Variants in WDR70 observed in about 807,000 individuals in gnomAD.
The protein encoded by WDR70 is WD repeat-containing protein 70.
In WDR70, 53 loss-of-function variants were observed where a neutral mutation model predicts 88.6. The observed-to-expected ratio is 0.60, with a 90% confidence interval of 0.48 to 0.75. WDR70 has a LOEUF of 0.75. WDR70 is among the 30% of genes least tolerant of loss of function. WDR70 has a pLI of 0.00. For synonymous variants in WDR70, 280 were observed against 270.0 expected (o/e 1.04, Z -0.36); for missense variants, 610 against 823.2 (o/e 0.74, Z 3.17).
intron 10 of WDR70, among the ~76,000 whole-genome samples, chr5:37,627,043 AT>A (rs1383494204): frequency 6.7e-6 from 1 of 148,468 alleles, no homozygotes; most frequent in African/African-American, 2.5e-5. Flanking sequence ...CGTTTTGTTG[AT>A]TTTGTTTATC....
At chr5:37,416,771 G>C (rs1029040726) in intron 5 of WDR70, among the ~76,000 whole-genome samples, 2 of 151,980 alleles carry the variant, frequency 1.3e-5, no homozygotes, top group African/African-American at 2.4e-5. Flanking sequence ...GTAGAGTCAG[G>C]GTTTTGCCAT....
intron 9 of WDR70, among the ~76,000 whole-genome samples, chr5:37,555,037 C>T (rs1453553302): frequency 3.3e-5 from 5 of 152,160 alleles, no homozygotes; most frequent in Admixed American, 2.6e-4. Context: ...ATAACATGTT[C>T]TACTGTTTAT....
At chr5:37,718,561 T>A (rs1450684810) in intron 13 of WDR70, among the ~76,000 whole-genome samples, 1 of 152,230 alleles carries the variant, frequency 6.6e-6, no homozygotes, top group African/African-American at 2.4e-5. Context: ...GACAGCCGCT[T>A]TCATTATTCT....
chr5:37,719,836 CTTTCTTTCTT>C (rs1378453613), intron 13 of WDR70, among the ~76,000 whole-genome samples: 2 of 119,018 alleles, frequency 1.7e-5, no homozygotes, highest in Admixed American at 1.1e-4. Flanking sequence ...TTCTTTCTTT[CTTTCTTTCTT>C]TTTTTTTTTT....
chr5:37,654,454 T>C (rs1378899908), intron 10 of WDR70, among the ~76,000 whole-genome samples: 2 of 152,214 alleles, frequency 1.3e-5, no homozygotes, highest in Non-Finnish European at 2.9e-5. Flanking sequence ...AGATGTCTAT[T>C]AGGTCTGCTT....
intron 9 of WDR70, among the ~76,000 whole-genome samples, chr5:37,541,445 C>T (rs1741812149): frequency 6.6e-6 from 1 of 152,176 alleles, no homozygotes; most frequent in South Asian, 2.1e-4. Flanking sequence ...TAAAAAAGTA[C>T]TTCTGTGAAG....
chr5:37,396,686 C>A, intron 5 of WDR70, 116 bp downstream of exon 5: 1 of 1,418,544 alleles, frequency 7.0e-7, no homozygotes, highest in Non-Finnish European at 9.2e-7. Flanking sequence ...GAGGAAAGGC[C>A]GGGCATGGTG....
chr5:37,497,322 C>T (rs1740252851), intron 8 of WDR70, among the ~76,000 whole-genome samples: 1 of 142,238 alleles, frequency 7.0e-6, no homozygotes, highest in Non-Finnish European at 1.5e-5. Flanking sequence ...CCTTTCCTTC[C>T]CTTCCCTTCC....
chr5:37,461,743 A>G (rs1216277196), intron 7 of WDR70, among the ~76,000 whole-genome samples: 2 of 84,324 alleles, frequency 2.4e-5, no homozygotes, highest in Non-Finnish European at 6.0e-5. Flanking sequence ...TCGGCCTCCC[A>G]AAGTGCTGGG....
intron 8 of WDR70, among the ~76,000 whole-genome samples, chr5:37,507,743 T>G (rs1034828163): frequency 2.0e-5 from 3 of 152,230 alleles, no homozygotes; most frequent in Non-Finnish European, 1.5e-5. Context: ...GGATCCTGAT[T>G]ATATTAGATT....
At chr5:37,640,799 C>G (rs1745082648) in intron 10 of WDR70, among the ~76,000 whole-genome samples, 1 of 152,166 alleles carries the variant, frequency 6.6e-6, no homozygotes, top group Non-Finnish European at 1.5e-5. Context: ...ACTTTTCTTT[C>G]TATCAGTGAT....
At chr5:37,429,543 T>G (rs1750239555) in intron 5 of WDR70, among the ~76,000 whole-genome samples, 1 of 152,202 alleles carries the variant, frequency 6.6e-6, no homozygotes, top group Non-Finnish European at 1.5e-5. Context: ...GGAGTTCCTT[T>G]TTTATTTTTT....
intron 9 of WDR70, among the ~76,000 whole-genome samples, chr5:37,529,570 AT>A (rs200143635): frequency 2.0e-5 from 3 of 149,212 alleles, no homozygotes; most frequent in South Asian, 2.1e-4. Context: ...GTATTTATTT[AT>A]TTTTTTTTGC....
intron 10 of WDR70, among the ~76,000 whole-genome samples, chr5:37,636,348 C>T (rs1561931978): frequency 6.6e-6 from 1 of 152,028 alleles, no homozygotes; most frequent in Non-Finnish European, 1.5e-5. Context: ...AAATGTAGAA[C>T]GAATAATAGA....
In WDR70 at chr5:37,611,193, C is replaced by T. The variant is rs536937786; in HGVS notation, c.1092+5955C>T. 7.2e-5 allele frequency among the ~76,000 whole-genome samples: 11 copies of T among 152,102 alleles called. No individual in the cohort carries two copies. In the East Asian group the frequency reaches 2.1e-3, roughly 29 times the overall value. On this transcript the variant is annotated intron_variant, in intron 10 of 17. Transcript: ENST00000265107. ...GTTTTTTTGTTAAATTTTCGTAATG[C>T]AGCTTTGAACATTTTTCTCTCACAC...
intron 5 of WDR70, among the ~76,000 whole-genome samples, chr5:37,402,329 T>TGTGTGTGTGTA (rs59326032): frequency 0.011 from 1,589 of 147,672 alleles, 36 homozygotes; most frequent in African/African-American, 0.037. Context: ...GTGTGTGTGT[T>TGTGTGTGTGTA]TTAAATTTTT....
chr5:37,700,739 T>C (rs997131602), intron 11 of WDR70, among the ~76,000 whole-genome samples: 1 of 152,140 alleles, frequency 6.6e-6, no homozygotes, highest in Non-Finnish European at 1.5e-5. Context: ...TACTTCAGAG[T>C]AGATTCTCCA....
intron 8 of WDR70, among the ~76,000 whole-genome samples, chr5:37,514,459 A>G (rs1383933330): frequency 1.3e-5 from 2 of 149,232 alleles, no homozygotes; most frequent in Non-Finnish European, 3.0e-5. Flanking sequence ...AATGTGTGTC[A>G]TGGTGATTTG....
chr5:37,536,140 A>C (rs1194059152), intron 9 of WDR70, among the ~76,000 whole-genome samples: 1 of 152,178 alleles, frequency 6.6e-6, no homozygotes, highest in African/African-American at 2.4e-5. Flanking sequence ...ACTCATCTCC[A>C]AGATCTCATC....
Sources: allele counts gnomAD v4.1 joint callset (sites outside exome capture counted in the v4.1 genomes callset), GRCh38; gene constraint gnomAD v4.1.1; transcripts MANE v1.5; gene names NCBI Gene and HGNC (gene_info 2026-07-23, HGNC 2026-07-21).